Variants in NRG3 observed in about 807,000 individuals in gnomAD.
The protein encoded by NRG3 is pro-neuregulin-3, membrane-bound isoform.
A neutral mutation model predicts 66.9 loss-of-function variants in NRG3; 31 were observed. The ratio of observed to expected loss-of-function variants is 0.46; its 90% CI spans 0.35 to 0.63. The LOEUF (loss-of-function observed/expected upper bound fraction) is 0.63. Among genes scored for constraint, NRG3 ranks in the 20% least tolerant of loss-of-function variants. NRG3 has a pLI of 0.00. For missense variants in NRG3, 910 were observed against 878.9 expected (o/e 1.04, Z -0.45); for synonymous variants, 393 against 359.4 (o/e 1.09, Z -1.06).
chr10:82,810,854 C>G (rs516285), intron 3 of NRG3, among the ~76,000 whole-genome samples: 149,825 of 152,156 alleles, frequency 0.98, 73,772 homozygotes, highest in Middle Eastern at 1. Flanking sequence ...GATATTAATA[C>G]TTAAAAGCCA....
intron 4 of NRG3, among the ~76,000 whole-genome samples, chr10:82,917,214 A>C (rs190329805): frequency 6.6e-6 from 1 of 152,320 alleles, no homozygotes; most frequent in East Asian, 1.9e-4. Context: ...ATTACCGTGC[A>C]GTTTCCAATT....
At chr10:82,170,842 C>G (rs2072548966) in intron 1 of NRG3, among the ~76,000 whole-genome samples, 1 of 150,470 alleles carries the variant, frequency 6.6e-6, no homozygotes, top group Admixed American at 6.7e-5. Flanking sequence ...CTTTTTCTCA[C>G]CCCCAATTGA....
chr10:82,297,878 G>T (rs1034336510), intron 1 of NRG3, among the ~76,000 whole-genome samples: 1 of 152,004 alleles, frequency 6.6e-6, no homozygotes, highest in South Asian at 2.1e-4. Context: ...GTAGTGGCTT[G>T]CTCCTGTAAT....
chr10:82,228,659 T>G (rs2076290285), intron 1 of NRG3, among the ~76,000 whole-genome samples: 1 of 152,200 alleles, frequency 6.6e-6, no homozygotes, highest in South Asian at 2.1e-4. Flanking sequence ...AAAATGGTAA[T>G]GATGATACAG....
chr10:82,003,979 C>T (rs1304745014), intron 1 of NRG3, among the ~76,000 whole-genome samples: 1 of 137,942 alleles, frequency 7.2e-6, no homozygotes, highest in African/African-American at 3.0e-5. Flanking sequence ...GTAAGGATAC[C>T]TGACTGAAAA....
intron 1 of NRG3, among the ~76,000 whole-genome samples, chr10:82,193,837 A>G (rs973778515): frequency 1.1e-4 from 16 of 152,190 alleles, no homozygotes; most frequent in Admixed American, 1.0e-3. Flanking sequence ...GGGAGTAGTC[A>G]TTACCGTAGA....
chr10:82,434,402 A>G (rs2090003564), intron 2 of NRG3, among the ~76,000 whole-genome samples: 1 of 152,144 alleles, frequency 6.6e-6, no homozygotes, highest in East Asian at 1.9e-4. Flanking sequence ...AAACAGGGAC[A>G]ACTTGACTTC....
At chr10:82,093,362 A>G (rs762459364) in intron 1 of NRG3, among the ~76,000 whole-genome samples, 4 of 152,202 alleles carry the variant, frequency 2.6e-5, no homozygotes, top group Non-Finnish European at 4.4e-5. Flanking sequence ...AACATTTTGT[A>G]CCCTTCTACC....
chr10:82,673,067 A>C (rs546732883), intron 2 of NRG3, among the ~76,000 whole-genome samples: 13 of 152,286 alleles, frequency 8.5e-5, no homozygotes, highest in Admixed American at 8.5e-4. Flanking sequence ...GGGTTTTCTC[A>C]GGTATTGCTG....
chr10:82,924,607 T>G (rs1160587996), intron 4 of NRG3, among the ~76,000 whole-genome samples: 1 of 151,726 alleles, frequency 6.6e-6, no homozygotes, highest in Non-Finnish European at 1.5e-5. Context: ...TTAAAGATTG[T>G]AGGTTGACAC....
At chr10:81,882,123 TAAACA>T (rs1842234728) in intron 1 of NRG3, among the ~76,000 whole-genome samples, 1 of 152,240 alleles carries the variant, frequency 6.6e-6, no homozygotes, top group South Asian at 2.1e-4. Context: ...ACAACTGACG[TAAACA>T]AATCTATTAT....
chr10:82,525,065 C>T (rs1050262681), intron 2 of NRG3, among the ~76,000 whole-genome samples: 1 of 151,848 alleles, frequency 6.6e-6, no homozygotes, highest in Non-Finnish European at 1.5e-5. Flanking sequence ...ACAATTAAGG[C>T]ACTGAAATTC....
At chr10:82,018,001 T>C (rs961894552) in intron 1 of NRG3, among the ~76,000 whole-genome samples, 1 of 152,216 alleles carries the variant, frequency 6.6e-6, no homozygotes, top group African/African-American at 2.4e-5. Flanking sequence ...GTTTTAGACG[T>C]GAATTTCTTG....
chr10:82,189,023 A>G (rs2073978653), intron 1 of NRG3, among the ~76,000 whole-genome samples: 1 of 152,214 alleles, frequency 6.6e-6, no homozygotes, highest in Admixed American at 6.5e-5. Flanking sequence ...TTAAAAAGCC[A>G]TGAAATAATT....
chr10:82,259,075 A>G (rs1400491062), intron 1 of NRG3, among the ~76,000 whole-genome samples: 2 of 152,242 alleles, frequency 1.3e-5, no homozygotes, highest in South Asian at 2.1e-4. Flanking sequence ...GCTCAGACCT[A>G]TTCTGTGGCC....
At chr10:82,014,360 C>T in intron 1 of NRG3, among the ~76,000 whole-genome samples, 1 of 152,162 alleles carries the variant, frequency 6.6e-6, no homozygotes, top group Non-Finnish European at 1.5e-5. Flanking sequence ...CAAGGTCCCA[C>T]CTGTCATAAG....
chr10:82,939,312 T>C (rs1388681848), intron 4 of NRG3, among the ~76,000 whole-genome samples: 2 of 152,214 alleles, frequency 1.3e-5, no homozygotes, highest in African/African-American at 4.8e-5. Context: ...TTTAAACTGT[T>C]ATTTACCCTT....
chr10:82,194,280 G>A (rs1368562311), intron 1 of NRG3, among the ~76,000 whole-genome samples: 2 of 152,130 alleles, frequency 1.3e-5, no homozygotes, highest in Admixed American at 1.3e-4. Flanking sequence ...TTGGAGTGCT[G>A]TGACAAAGAA....
At chr10:82,429,652 T>G (rs1049278917) in intron 2 of NRG3, among the ~76,000 whole-genome samples, 1 of 152,200 alleles carries the variant, frequency 6.6e-6, no homozygotes, top group African/African-American at 2.4e-5. Flanking sequence ...AAATGTAGAT[T>G]AGAATTTTTC....
Sources: gnomAD v4.1 joint callset for allele counts (sites outside exome capture counted in the v4.1 genomes callset) on GRCh38, gnomAD v4.1.1 for gene constraint, MANE v1.5 for transcripts, NCBI Gene and HGNC (gene_info 2026-07-23, HGNC 2026-07-21) for gene names.